The following NEK1 variants were observed in gnomAD, a reference collection of about 807,000 sequenced individuals.
NEK1 encodes NIMA related kinase 1, also known as serine/threonine-protein kinase Nek1.
In NEK1, 137 loss-of-function variants were observed where a neutral mutation model predicts 182.1. The ratio of observed to expected loss-of-function variants is 0.75; its 90% CI spans 0.65 to 0.87. NEK1 has a LOEUF of 0.87. Ranked by LOEUF, NEK1 falls within the 40% of genes least tolerant of loss-of-function variation. NEK1 has a pLI of 0.00. For missense variants in NEK1, 1,391 were observed against 1,494.4 expected (o/e 0.93, Z 1.14); for synonymous variants, 513 against 492.2 (o/e 1.04, Z -0.56).
intron 26 of NEK1, among the ~76,000 whole-genome samples, chr4:169,464,237 A>G (rs1490695862): frequency 1.3e-5 from 2 of 152,188 alleles, no homozygotes; most frequent in Non-Finnish European, 2.9e-5. Flanking sequence ...AAGATAACTA[A>G]GCAGCACAGT....
chr4:169,479,324 T>C, intron 24 of NEK1, 79 bp downstream of exon 24: 1 of 1,412,170 alleles, frequency 7.1e-7, no homozygotes, highest in South Asian at 1.3e-5. Context: ...ACATTAGGGA[T>C]TAATGTGATT....
intron 7 of NEK1, 110 bp from the exon 8 acceptor site, chr4:169,588,845 TATA>T (rs1299816423): frequency 2.9e-6 from 2 of 688,852 alleles, no homozygotes; most frequent in Admixed American, 2.5e-5. Flanking sequence ...CCCATAAGAT[TATA>T]ATGACACTGA....
At chr4:169,416,988 T>C (rs993416322) in intron 31 of NEK1, among the ~76,000 whole-genome samples, 10 of 152,348 alleles carry the variant, frequency 6.6e-5, no homozygotes, top group Middle Eastern at 3.4e-3. Flanking sequence ...AGCTAACAAC[T>C]ACTATATTAG....
chr4:169,562,365 TAAAC>T (rs1247049808), intron 12 of NEK1, among the ~76,000 whole-genome samples, 169 bp from the exon 13 acceptor site: 1 of 152,088 alleles, frequency 6.6e-6, no homozygotes, highest in African/African-American at 2.4e-5. Context: ...GATATGCTGT[TAAAC>T]AAAGAGAAAC....
Position 169,561,736 on chromosome 4 carries a change from A to T in NEK1, c.1142T>A (p.Ile381Asn), listed in dbSNP as rs749551188. The T allele has an allele frequency of 2.5e-6, 4 of 1,579,586 alleles. No individual in the cohort carries two copies. Among genetic ancestry groups the T allele is most frequent in the Non-Finnish European group, 3.4e-6 (4 of 1,160,686 alleles). ...IEKEKKQKDQ[I>N]ISLMKAEQMK... ...TTGTTCAGCCTTCATTAAACTAATAATCTGTAACAATTTTAAAGACAAGCT... is the reference window on the plus strand; with the variant it reads ...TTGTTCAGCCTTCATTAAACTAATATTCTGTAACAATTTTAAAGACAAGCT... The change falls in exon 15 of 36, where the codon ATT becomes AAT. Residue 381 changes from isoleucine to asparagine, a missense_variant and splice_region_variant. Physicochemically the swap from Ile to Asn is moderately radical, Grantham distance 149 (BLOSUM62 -3). Transcript: ENST00000507142.
chr4:169,545,993 T>G (rs1377711889), intron 18 of NEK1, among the ~76,000 whole-genome samples: 1 of 152,218 alleles, frequency 6.6e-6, no homozygotes, highest in African/African-American at 2.4e-5. Flanking sequence ...ATGGCCATAC[T>G]GCCCAAGGTA....
intron 26 of NEK1, among the ~76,000 whole-genome samples, chr4:169,469,748 A>T (rs1009745162): frequency 2.0e-5 from 3 of 152,072 alleles, no homozygotes; most frequent in Non-Finnish European, 4.4e-5. Context: ...ATTATGTGGG[A>T]GTCTAAGTCT....
intron 26 of NEK1, among the ~76,000 whole-genome samples, chr4:169,469,973 T>C (rs1249407588): frequency 6.6e-6 from 1 of 151,710 alleles, no homozygotes; most frequent in African/African-American, 2.4e-5. Flanking sequence ...TGCTTTTCAT[T>C]TGCTTGGTAA....
At chr4:169,513,185 C>A (rs930942991) in intron 19 of NEK1, among the ~76,000 whole-genome samples, 1 of 152,092 alleles carries the variant, frequency 6.6e-6, no homozygotes, top group South Asian at 2.1e-4. Flanking sequence ...ACAAGAATTG[C>A]CATTTTTACT....
intron 5 of NEK1, among the ~76,000 whole-genome samples, chr4:169,595,922 C>CA (rs56313001): frequency 0.48 from 32,506 of 67,084 alleles, 7,879 homozygotes; most frequent in East Asian, 0.74. Context: ...GACTCCACCT[C>CA]AAAAAAAAAA....
At chr4:169,561,084 G>A (rs923824188) in intron 16 of NEK1, among the ~76,000 whole-genome samples, 9 of 152,188 alleles carry the variant, frequency 5.9e-5, no homozygotes, top group African/African-American at 2.2e-4. Flanking sequence ...GTAGGGAATG[G>A]ATGGTGATGA....
chr4:169,561,036 A>G (rs6840497), intron 16 of NEK1, among the ~76,000 whole-genome samples: 150,422 of 152,274 alleles, frequency 0.99, 74,316 homozygotes, highest in East Asian at 1. Context: ...CTACAAATAT[A>G]GTCTTCATTT....
At chr4:169,478,818 CT>C (rs1476533482) in intron 24 of NEK1, among the ~76,000 whole-genome samples, 1 of 152,142 alleles carries the variant, frequency 6.6e-6, no homozygotes, top group Non-Finnish European at 1.5e-5. Context: ...CCTGAACAGT[CT>C]TCACACTTCA....
chr4:169,420,096 T>C (rs1735224849), intron 31 of NEK1, among the ~76,000 whole-genome samples: 2 of 152,194 alleles, frequency 1.3e-5, no homozygotes, highest in African/African-American at 4.8e-5. Flanking sequence ...ATTAACCTTA[T>C]CTTACTGTAA....
At chr4:169,434,305 C>A (rs997992932) in intron 28 of NEK1, among the ~76,000 whole-genome samples, 1 of 151,218 alleles carries the variant, frequency 6.6e-6, no homozygotes, top group Admixed American at 6.6e-5. Context: ...CTACACCTCC[C>A]GGGCTCAAGT....
chr4:169,456,028 A>G (rs1742815707), intron 27 of NEK1, among the ~76,000 whole-genome samples: 1 of 152,210 alleles, frequency 6.6e-6, no homozygotes, highest in Non-Finnish European at 1.5e-5. Flanking sequence ...TCTGACCACA[A>G]TGGAAGAAAA....
intron 23 of NEK1, among the ~76,000 whole-genome samples, chr4:169,486,465 T>C (rs908652643): frequency 1.3e-5 from 2 of 152,246 alleles, no homozygotes; most frequent in Non-Finnish European, 2.9e-5. Flanking sequence ...TTCATCTTTA[T>C]GCTGACTTAT....
At chr4:169,528,683 C>G (rs186858012) in intron 19 of NEK1, among the ~76,000 whole-genome samples, 53 of 152,178 alleles carry the variant, frequency 3.5e-4, no homozygotes, top group Non-Finnish European at 5.7e-4. Context: ...CAGACAAATC[C>G]ACAATTATAT....
At chr4:169,493,353 A>G (rs1435705007) in intron 23 of NEK1, among the ~76,000 whole-genome samples, 1 of 152,248 alleles carries the variant, frequency 6.6e-6, no homozygotes, top group Non-Finnish European at 1.5e-5. Flanking sequence ...ATGAGAAGGA[A>G]TCAGTGAAAG....
Sources: allele counts gnomAD v4.1 joint callset (sites outside exome capture counted in the v4.1 genomes callset), GRCh38; gene constraint gnomAD v4.1.1; transcripts MANE v1.5; gene names NCBI Gene and HGNC (gene_info 2026-07-23, HGNC 2026-07-21).